AGMO: variants seen among roughly 807,000 people sequenced by gnomAD.
The protein encoded by AGMO is alkylglycerol monooxygenase.
A neutral mutation model predicts 60.2 loss-of-function variants in AGMO; 75 were observed. The ratio of observed to expected loss-of-function variants is 1.25; its 90% CI spans 1.03 to 1.51. The LOEUF (loss-of-function observed/expected upper bound fraction) is 1.51, where lower values mean the gene tolerates loss of function less well. AGMO is among the 40% of genes most tolerant of loss of function. The pLI is 0.00. For synonymous variants in AGMO, 261 were observed against 177.1 expected (o/e 1.47, Z -3.76); for missense variants, 763 against 525.5 (o/e 1.45, Z -4.42).
intron 3 of AGMO, among the ~76,000 whole-genome samples, chr7:15,528,718 G>C (rs188400175): frequency 1.3e-5 from 2 of 151,882 alleles, no homozygotes; most frequent in South Asian, 4.2e-4. Flanking sequence ...GCACGATCTC[G>C]GCTCACCGCA....
chr7:15,315,324 T>C (rs1287801733), intron 12 of AGMO, among the ~76,000 whole-genome samples: 3 of 143,790 alleles, frequency 2.1e-5, no homozygotes, highest in Admixed American at 7.6e-5. Flanking sequence ...TACATGGATA[T>C]TTGCTTTTTT....
At chr7:15,546,918 T>C (rs1211747179) in intron 2 of AGMO, among the ~76,000 whole-genome samples, 1 of 152,158 alleles carries the variant, frequency 6.6e-6, no homozygotes, top group African/African-American at 2.4e-5. Context: ...GGTGCAAACG[T>C]TTACTGAAAC....
intron 2 of AGMO, among the ~76,000 whole-genome samples, chr7:15,549,797 C>G (rs1168327382): frequency 4.0e-5 from 6 of 151,678 alleles, no homozygotes; most frequent in Admixed American, 3.9e-4. Context: ...GAATTGAACT[C>G]AGCTCTGCAC....
chr7:15,190,888 T>A, the AGMO span, among the ~76,000 whole-genome samples: 1 of 152,242 alleles, frequency 6.6e-6, no homozygotes, highest in African/African-American at 2.4e-5. Flanking sequence ...AGACTGGGTT[T>A]TGAGGCTTGT....
intron 5 of AGMO, among the ~76,000 whole-genome samples, chr7:15,417,221 C>T (rs1483485697): frequency 2.0e-5 from 3 of 152,120 alleles, no homozygotes; most frequent in Non-Finnish European, 4.4e-5. Context: ...GGGGGAGGTT[C>T]TAAGCATTGC....
intron 4 of AGMO, among the ~76,000 whole-genome samples, chr7:15,425,943 T>C (rs1781050280): frequency 6.6e-6 from 1 of 152,204 alleles, no homozygotes. Flanking sequence ...TTGTCATTAA[T>C]TTATTATGCT....
At chr7:15,336,068 C>T (rs780507448) in intron 12 of AGMO, among the ~76,000 whole-genome samples, 28 of 152,064 alleles carry the variant, frequency 1.8e-4, no homozygotes, top group Non-Finnish European at 3.2e-4. Context: ...ACAGGTTGTC[C>T]GCTATGTGAG....
chr7:15,469,264 G>C (rs995675235), intron 3 of AGMO, among the ~76,000 whole-genome samples: 1 of 151,920 alleles, frequency 6.6e-6, no homozygotes, highest in Non-Finnish European at 1.5e-5. Flanking sequence ...TAGGAACATG[G>C]ACCGTCTCAT....
rs148837928 is a variant in AGMO at position 15,242,701 on chromosome 7, T to G, written c.1264-41342A>C. Reference sequence around the variant, plus strand: ...TAGAAATAGAGAAGGACCTAAATATTTACATGATTACCACTTTCCCCACTG... The same window carrying G: ...TAGAAATAGAGAAGGACCTAAATATGTACATGATTACCACTTTCCCCACTG... On this transcript the variant is annotated intron_variant, in intron 12 of 12. Transcript: ENST00000342526. 4.6e-5 allele frequency among the ~76,000 whole-genome samples: 7 copies of G among 152,146 alleles called. No individual in the cohort carries two copies. The East Asian group carries it at 1.4e-3, about 29-fold the overall frequency.
At chr7:15,332,022 T>C (rs943673455) in intron 12 of AGMO, among the ~76,000 whole-genome samples, 3 of 152,084 alleles carry the variant, frequency 2.0e-5, no homozygotes, top group South Asian at 2.1e-4. Context: ...AATCTTCTAC[T>C]TACCTTCAAT....
At chr7:15,278,692 G>A (rs544279288) in intron 12 of AGMO, among the ~76,000 whole-genome samples, 62 of 152,262 alleles carry the variant, frequency 4.1e-4, no homozygotes, top group African/African-American at 1.3e-3. Context: ...AGTAGATTTC[G>A]CTGTCCAGAA....
At chr7:15,168,271 G>A in the AGMO span, among the ~76,000 whole-genome samples, 9 of 152,124 alleles carry the variant, frequency 5.9e-5, no homozygotes, top group Admixed American at 5.2e-4. Context: ...CTGGTGGTAG[G>A]TCTCAGGCCC....
chr7:15,224,949 T>A (rs904182137), intron 12 of AGMO, among the ~76,000 whole-genome samples: 6 of 152,164 alleles, frequency 3.9e-5, no homozygotes, highest in African/African-American at 1.4e-4. Context: ...GCATTTTGAT[T>A]GTGGAAATTT....
At chr7:15,120,852 A>C in the AGMO span, among the ~76,000 whole-genome samples, 2 of 151,780 alleles carry the variant, frequency 1.3e-5, no homozygotes, top group Non-Finnish European at 2.9e-5. Context: ...ATGTGCTGAG[A>C]GTGCAGGTTT....
chr7:15,181,922 T>C, the AGMO span, among the ~76,000 whole-genome samples: 78,602 of 151,866 alleles, frequency 0.52, 22,810 homozygotes, highest in African/African-American at 0.78. Flanking sequence ...CTCATACTGA[T>C]AGCAGCATTA....
At chr7:15,356,357 G>A (rs751574845) in intron 12 of AGMO, among the ~76,000 whole-genome samples, 3 of 152,062 alleles carry the variant, frequency 2.0e-5, no homozygotes, top group African/African-American at 7.2e-5. Context: ...AATAGAAATG[G>A]ATACAAGTAC....
chr7:15,118,465 GATC>G, the AGMO span, among the ~76,000 whole-genome samples: 1 of 152,012 alleles, frequency 6.6e-6, no homozygotes, highest in African/African-American at 2.4e-5. Flanking sequence ...ATAGAAAACT[GATC>G]ATGTTTTCTC....
chr7:15,318,016 T>G (rs910396214), intron 12 of AGMO, among the ~76,000 whole-genome samples: 4 of 151,026 alleles, frequency 2.6e-5, no homozygotes, highest in Admixed American at 1.3e-4. Context: ...ATATATTTTT[T>G]TTTTTTTGAG....
intron 3 of AGMO, among the ~76,000 whole-genome samples, chr7:15,481,023 T>C (rs952947357): frequency 4.3e-5 from 6 of 140,776 alleles, no homozygotes; most frequent in African/African-American, 1.8e-4. Flanking sequence ...CATGTTTATA[T>C]ACATATACAT....
Sources: gnomAD v4.1 joint callset for allele counts (sites outside exome capture counted in the v4.1 genomes callset) on GRCh38, gnomAD v4.1.1 for gene constraint, MANE v1.5 for transcripts, NCBI Gene and HGNC (gene_info 2026-07-23, HGNC 2026-07-21) for gene names.